The following C1orf198 variants were observed in gnomAD, a reference collection of about 807,000 sequenced individuals.
C1orf198 encodes uncharacterized protein C1orf198.
Under a neutral mutation model 31.4 loss-of-function variants are expected in C1orf198, and 17 were observed. The observed-to-expected ratio is 0.54, with a 90% CI of 0.37 to 0.81. The LOEUF (loss-of-function observed/expected upper bound fraction) is 0.81, where lower values mean the gene tolerates loss of function less well. C1orf198 is among the 40% of genes least tolerant of loss of function. C1orf198 has a pLI of 0.00. For missense variants in C1orf198, 401 were observed against 450.3 expected (o/e 0.89, Z 0.99); for synonymous variants, 175 against 193.8 (o/e 0.90, Z 0.81).
intron 1 of C1orf198, 31 bp from the exon 2 acceptor site, chr1:230,855,749 A>G: frequency 1.2e-6 from 2 of 1,612,470 alleles, no homozygotes; most frequent in Non-Finnish European, 1.7e-6. Flanking sequence ...TAAGTCTGAA[A>G]TTCAAACCCA....
At chr1:230,851,452 A>C (rs559711383) in intron 2 of C1orf198, among the ~76,000 whole-genome samples, 61 of 152,246 alleles carry the variant, frequency 4.0e-4, no homozygotes, top group Middle Eastern at 3.4e-3. Context: ...TCCAGCCCAG[A>C]CCGCCTGGGG....
At chr1:230,862,644 T>C (rs1670027857) in intron 1 of C1orf198, among the ~76,000 whole-genome samples, 1 of 152,190 alleles carries the variant, frequency 6.6e-6, no homozygotes, top group African/African-American at 2.4e-5. Context: ...TCCAACCATA[T>C]TACATTCTGG....
intron 1 of C1orf198, among the ~76,000 whole-genome samples, chr1:230,861,492 TAA>T (rs1301966371): frequency 6.6e-6 from 1 of 152,206 alleles, no homozygotes; most frequent in Non-Finnish European, 1.5e-5. Flanking sequence ...ATTGTATGTG[TAA>T]GGTGGAAATA....
chr1:230,850,894 C>T (rs1015171799), intron 2 of C1orf198, among the ~76,000 whole-genome samples: 3 of 152,134 alleles, frequency 2.0e-5, no homozygotes, highest in African/African-American at 7.2e-5. Flanking sequence ...CCACCATGGG[C>T]AGCAAAGCCC....
intron 2 of C1orf198, 142 bp downstream of exon 2, chr1:230,855,525 CT>C (rs1250732203): frequency 1.7e-5 from 15 of 863,948 alleles, no homozygotes; most frequent in Non-Finnish European, 2.5e-5. Context: ...CCATCCCCTC[CT>C]TTTCTACCAA....
Position 230,847,102 on chromosome 1 carries a change from C to CAAAA in C1orf198, c.385-3210_385-3207dup, listed in dbSNP as rs71179741. Among the ~76,000 whole-genome samples, 8 of 69,694 alleles carry CAAAA rather than the reference C, an allele frequency of 1.1e-4. 1 individual carries two copies. The highest frequency in any genetic ancestry group is 7.7e-4 in the African/African-American group (8 of 10,382). 45.7% of individuals were successfully genotyped at this position (69,694 alleles called of 152,430 possible). ...TGGGCGACAGAGCGAGACTCCGTCT[C>CAAAA]AAAAAAAAAAAAAAAAAAAAAAAAA... On this transcript the variant is annotated intron_variant, in intron 2 of 3. Transcript: ENST00000366663.
chr1:230,843,276 G>A lies in C1orf198; in HGVS notation c.927+78C>T. 6.7e-7 allele frequency: 1 copy of A among 1,484,554 alleles called. No individual in the cohort carries two copies. Among genetic ancestry groups the A allele is most frequent in the Non-Finnish European group, 9.0e-7 (1 of 1,105,454 alleles). The allele number at this position is 1,484,554 out of a possible 1,614,324, so 92.0% of individuals were successfully genotyped here. On this transcript the variant is annotated intron_variant, in intron 3 of 3. Coordinates refer to ENST00000366663, the MANE Select transcript of C1orf198 (RefSeq NM_032800.3). This position sits in a 1 kb window ranked among gnomAD's most constrained non-coding sequence, Gnocchi z 4.9. ...GAGCATGGGCACCTGTGGCCTGCCTGCTTTGTGGGGGACCCTCTCGGTTCC... is the reference window on the plus strand; with the variant it reads ...GAGCATGGGCACCTGTGGCCTGCCTACTTTGTGGGGGACCCTCTCGGTTCC...
intron 1 of C1orf198, among the ~76,000 whole-genome samples, chr1:230,861,797 C>A (rs1670010328): frequency 6.6e-6 from 1 of 152,172 alleles, no homozygotes; most frequent in South Asian, 2.1e-4. Flanking sequence ...GGAAAAACAG[C>A]TAGGCGGGGA....
rs150753725 is a variant in C1orf198, at chr1:230,843,496, C to G, written c.785G>C (p.Arg262Pro). Reference protein sequence around the residue: ...QRPLPNVSTERERPQPVQAFS... With the variant: ...QRPLPNVSTEPERPQPVQAFS... ...GGCCTGGACAGGCTGGGGTCTCTCA[C>G]GTTCGGTGCTCACGTTGGGAAGAGG... The change falls in exon 3 of 4, where the codon CGT (arginine) becomes CCT (proline). Residue 262 changes from arginine (R) to proline (P), a missense_variant. Arg to Pro is a moderately radical substitution (Grantham distance 103). Coordinates refer to ENST00000366663, the MANE Select transcript of C1orf198 (RefSeq NM_032800.3). This position sits in a 1 kb window ranked among gnomAD's most constrained non-coding sequence, Gnocchi z 4.9. 6.2e-7 allele frequency: 1 copy of G among 1,612,186 alleles called. No individual in the cohort carries two copies. Among genetic ancestry groups the G allele is most frequent in the Non-Finnish European group, 8.5e-7 (1 of 1,179,116 alleles).
At chr1:230,865,559 G>C (rs565603489) in intron 1 of C1orf198, among the ~76,000 whole-genome samples, 2 of 152,128 alleles carry the variant, frequency 1.3e-5, no homozygotes, top group East Asian at 1.9e-4. Flanking sequence ...GTCCCTTCAC[G>C]GCTTCAATAC....
At chr1:230,848,000 C>A (rs1669639247) in intron 2 of C1orf198, among the ~76,000 whole-genome samples, 1 of 152,210 alleles carries the variant, frequency 6.6e-6, no homozygotes, top group Non-Finnish European at 1.5e-5. Context: ...GGGGAAACGC[C>A]AGTCACAGTG....
chr1:230,860,688 G>A (rs1023358202), intron 1 of C1orf198, among the ~76,000 whole-genome samples: 1 of 152,112 alleles, frequency 6.6e-6, no homozygotes, highest in African/African-American at 2.4e-5. Context: ...GTAGAATAGA[G>A]GTTATCAGAG....
rs1464485481 is a variant in C1orf198, at chr1:230,857,407, A to G, written c.334-1689T>C. ...CAAGCCCGGATCCTTTCACAGGTTG[A>G]TTTTCCCCCACAATCACCCGCTCCC... On this transcript the variant is annotated intron_variant, in intron 1 of 3. Transcript: ENST00000366663. This position sits in a 1 kb window ranked among gnomAD's most constrained non-coding sequence, Gnocchi z 4.2. Among the ~76,000 whole-genome samples the G allele has an allele frequency of 6.6e-6, 1 of 152,094 alleles. No individual in the cohort carries two copies. The highest frequency in any genetic ancestry group is 1.5e-5 in the Non-Finnish European group (1 of 68,008).
intron 3 of C1orf198, among the ~76,000 whole-genome samples, chr1:230,842,138 A>C (rs910323853): frequency 6.6e-6 from 1 of 152,182 alleles, no homozygotes; most frequent in Non-Finnish European, 1.5e-5. Flanking sequence ...GGGAGGGATG[A>C]ATGAGAAGTT....
chr1:230,863,784 C>A (rs1670050991), intron 1 of C1orf198, among the ~76,000 whole-genome samples: 1 of 152,226 alleles, frequency 6.6e-6, no homozygotes, highest in African/African-American at 2.4e-5. Flanking sequence ...GCAGGGCCAT[C>A]TCAACTCCTG....
chr1:230,851,233 T>C (rs1284689971), intron 2 of C1orf198, among the ~76,000 whole-genome samples: 4 of 152,006 alleles, frequency 2.6e-5, no homozygotes, highest in African/African-American at 9.7e-5. Context: ...ACTGCCCTAA[T>C]AGGCAGCTGG....
At chr1:230,861,767 G>C (rs916557418) in intron 1 of C1orf198, among the ~76,000 whole-genome samples, 20 of 152,308 alleles carry the variant, frequency 1.3e-4, no homozygotes, top group Admixed American at 1.3e-3. Flanking sequence ...GCTCCCTTAG[G>C]GCCTCCACAA....
chr1:230,848,255 A>C (rs58118985), intron 2 of C1orf198, among the ~76,000 whole-genome samples: 1 of 152,214 alleles, frequency 6.6e-6, no homozygotes, highest in Admixed American at 6.5e-5. Flanking sequence ...GAACTTAACA[A>C]AGAAAAAAGT....
chr1:230,857,364 G>A lies in C1orf198; in HGVS notation c.334-1646C>T, dbSNP rs189526772. 3.3e-5 allele frequency among the ~76,000 whole-genome samples: 5 copies of A among 152,308 alleles called. No homozygotes were observed. In the East Asian group the frequency reaches 9.7e-4, roughly 29 times the overall value. ...GCTTACTCACTCTTTGAGAATATGT[G>A]AATAAACAAACTCTGCACAAGCCCG... On this transcript the variant is annotated intron_variant, in intron 1 of 3. Transcript: ENST00000366663. This position sits in a 1 kb window ranked among gnomAD's most constrained non-coding sequence, Gnocchi z 4.2.
Sources: gnomAD v4.1 joint callset for allele counts (sites outside exome capture counted in the v4.1 genomes callset) on GRCh38, gnomAD v4.1.1 for gene constraint, Gnocchi (gnomAD v3.1) non-coding constraint, MANE v1.5 for transcripts, NCBI Gene and HGNC (gene_info 2026-07-23, HGNC 2026-07-21) for gene names.